AHCY: variants seen among roughly 807,000 people sequenced by gnomAD.
AHCY encodes the protein S-adenosyl-L-homocysteine hydrolase.
Under a neutral mutation model 45.4 loss-of-function variants are expected in AHCY, and 24 were observed. The observed-to-expected ratio is 0.53, with a 90% CI of 0.38 to 0.74. The LOEUF (loss-of-function observed/expected upper bound fraction) is 0.74, where lower values mean the gene tolerates loss of function less well. Ranked by LOEUF, AHCY falls within the 30% of genes least tolerant of loss-of-function variation. AHCY has a pLI of 0.00. For missense variants in AHCY, 449 were observed against 594.1 expected (o/e 0.76, Z 2.54); for synonymous variants, 245 against 235.1 (o/e 1.04, Z -0.39).
chr20:34,295,091 A>C, intron 2 of AHCY: 1 of 474,640 alleles, frequency 2.1e-6, no homozygotes, highest in Non-Finnish European at 3.9e-6. Context: ...GGCCAAGGCA[A>C]GCTGGCCCTT....
the AHCY span, among the ~76,000 whole-genome samples, chr20:34,255,968 C>G: frequency 6.6e-6 from 1 of 152,226 alleles, no homozygotes; most frequent in Non-Finnish European, 1.5e-5. Flanking sequence ...GTCAGGCCCA[C>G]CCGCAGCCTC....
the AHCY span, among the ~76,000 whole-genome samples, chr20:34,259,259 A>G: frequency 6.6e-6 from 1 of 151,646 alleles, no homozygotes; most frequent in Non-Finnish European, 1.5e-5. Flanking sequence ...GTTAGAAAAT[A>G]TAGGCCAGGT....
Position 34,295,510 on chromosome 20 carries a change from A to G in AHCY, c.104T>C (p.Met35Thr), listed in dbSNP as rs770343325. 1.2e-6 allele frequency: 2 copies of G among 1,614,090 alleles called. No individual in the cohort carries two copies. Among genetic ancestry groups the G allele is most frequent in the African/African-American group, 2.7e-5 (2 of 75,058 alleles). The change falls in exon 2 of 10, where the codon ATG (methionine) becomes ACG (threonine). Residue 35 changes from methionine to threonine, a missense_variant. Physicochemically the swap from Met to Thr is moderately conservative, Grantham distance 81. Transcript: ENST00000217426. ...CTTGGAGGCCGAGTACCGCTCCCGC[A>G]TACGCATCAGGCCCGGCATCTCGTT... ...AENEMPGLMR[M>T]RERYSASKPL...
chr20:34,245,666 G>A, the AHCY span, among the ~76,000 whole-genome samples: 1 of 151,948 alleles, frequency 6.6e-6, no homozygotes, highest in African/African-American at 2.4e-5. Flanking sequence ...TGGGATTACA[G>A]GCGTGAGCCA....
the AHCY span, among the ~76,000 whole-genome samples, chr20:34,274,833 A>C: frequency 6.6e-6 from 1 of 152,246 alleles, no homozygotes; most frequent in South Asian, 2.1e-4. Flanking sequence ...ACGCGCCTGT[A>C]GTCTGAGCTA....
chr20:34,303,062 C>A, intron 1 of AHCY, 181 bp downstream of exon 1: 1 of 985,432 alleles, frequency 1.0e-6, no homozygotes, highest in African/African-American at 1.7e-5. Flanking sequence ...CCACCCGGAA[C>A]GGCCCGCTCA....
the AHCY span, among the ~76,000 whole-genome samples, chr20:34,245,530 G>A: frequency 6.6e-6 from 1 of 151,500 alleles, no homozygotes; most frequent in African/African-American, 2.4e-5. Context: ...TGGGACTACA[G>A]GTGTGCGCCA....
At chr20:34,283,326 C>A (rs905224574) in intron 9 of AHCY, among the ~76,000 whole-genome samples, 1 of 152,076 alleles carries the variant, frequency 6.6e-6, no homozygotes, top group Non-Finnish European at 1.5e-5. Context: ...CCTGACTTTC[C>A]CCATTCGCAG....
the AHCY span, among the ~76,000 whole-genome samples, chr20:34,267,568 G>C: frequency 1.4e-5 from 2 of 147,958 alleles, no homozygotes; most frequent in East Asian, 4.0e-4. Flanking sequence ...TTTTGCTCTT[G>C]TTGCCCAGGC....
At chr20:34,292,157 G>A (rs2036417737) in intron 4 of AHCY, among the ~76,000 whole-genome samples, 1 of 152,200 alleles carries the variant, frequency 6.6e-6, no homozygotes, top group Admixed American at 6.5e-5. Flanking sequence ...CCTGCCCTTG[G>A]GCCATCAGCT....
Position 34,290,264 on chromosome 20 carries a change from TC to T in AHCY, c.972+67del. On this transcript the variant is annotated intron_variant, in intron 8 of 9. Transcript: ENST00000217426. The surrounding 1 kb of genome is among the most constrained non-coding windows in gnomAD (Gnocchi z 4.5). ...GTTGCCACCATCTCCTCAGCTCTCC[TC>T]CCTGGCAGCCAGCACTCCTCTGCAC... 2.0e-6 allele frequency: 3 copies of T among 1,488,310 alleles called. No individual in the cohort carries two copies. The highest frequency in any genetic ancestry group is 1.9e-6 in the Non-Finnish European group (2 of 1,071,470). 92.2% of individuals were successfully genotyped at this position (1,488,310 alleles called of 1,614,324 possible). A position where few individuals can be genotyped will look rare whatever the true frequency, so the allele number is the denominator to read the frequency against.
chr20:34,293,974 C>T (rs1000434076), intron 3 of AHCY, 107 bp downstream of exon 3: 1 of 1,162,614 alleles, frequency 8.6e-7, no homozygotes, highest in Admixed American at 1.9e-5. Context: ...GCGGTGACTC[C>T]TCTCCCTTTC....
chr20:34,303,329 G>A lies in AHCY; in HGVS notation c.-59C>T. 3.2e-6 allele frequency: 5 copies of A among 1,550,732 alleles called. No homozygotes were observed. The highest frequency in any genetic ancestry group is 2.4e-5 in the East Asian group (1 of 40,900). On this transcript the variant is annotated 5_prime_UTR_variant, in exon 1 of 10. Coordinates refer to ENST00000217426, the MANE Select transcript of AHCY (RefSeq NM_000687.4). ...GGGCTGGGCCTCAGTCTGGGAACAG[G>A]AACTGGGCGGGCAGCGCCGAGCAGG...
chr20:34,243,466 A>AT, the AHCY span, among the ~76,000 whole-genome samples: 4 of 151,124 alleles, frequency 2.6e-5, no homozygotes, highest in East Asian at 4.1e-4. Context: ...ATTATTCTGA[A>AT]TTTTTTTTTA....
the AHCY span, among the ~76,000 whole-genome samples, chr20:34,263,503 T>TG: frequency 6.6e-6 from 1 of 152,174 alleles, no homozygotes; most frequent in East Asian, 1.9e-4. Context: ...AGGTGGAGGT[T>TG]GCAGTGAGCT....
intron 9 of AHCY, among the ~76,000 whole-genome samples, chr20:34,282,740 T>C (rs1461605011): frequency 2.6e-5 from 4 of 152,182 alleles, no homozygotes; most frequent in East Asian, 1.9e-4. Context: ...TCCCAGCTTA[T>C]GGCCTCTAGA....
chr20:34,295,713 T>C (rs2036558489), intron 1 of AHCY, 128 bp from the exon 2 acceptor site: 1 of 935,466 alleles, frequency 1.1e-6, no homozygotes, highest in Non-Finnish European at 1.7e-6. Flanking sequence ...TGTCACCGCA[T>C]TCTCTCACTC....
At chr20:34,235,899 A>AAGGAGGAGGGAGGGAAGAATGAAG in the AHCY span, among the ~76,000 whole-genome samples, 1 of 64,600 alleles carries the variant, frequency 1.5e-5, no homozygotes, top group African/African-American at 2.5e-4. Context: ...GGAAGGAAGG[A>AAGGAGGAGGGAGGGAAGAATGAAG]AAGGAAGGAA....
intron 1 of AHCY, among the ~76,000 whole-genome samples, chr20:34,300,848 C>A (rs2036747147): frequency 6.6e-6 from 1 of 152,114 alleles, no homozygotes; most frequent in Non-Finnish European, 1.5e-5. Flanking sequence ...GGGGTGGTGA[C>A]CGTGGAGACA....
Sources: gnomAD v4.1 joint callset for allele counts (sites outside exome capture counted in the v4.1 genomes callset) on GRCh38, gnomAD v4.1.1 for gene constraint, Gnocchi (gnomAD v3.1) non-coding constraint, MANE v1.5 for transcripts, NCBI Gene and HGNC (gene_info 2026-07-23, HGNC 2026-07-21) for gene names.